Variants in CRB2 observed in about 807,000 individuals in gnomAD.
The protein encoded by CRB2 is crumbs cell polarity complex component 2.
In CRB2, 85 loss-of-function variants were observed where a neutral mutation model predicts 110.9. The ratio of observed to expected loss-of-function variants is 0.77; its 90% CI spans 0.64 to 0.92. CRB2 has a LOEUF of 0.92. CRB2 is among the 40% of genes least tolerant of loss of function. The pLI, the probability that CRB2 is intolerant of heterozygous loss-of-function variation, is 0.00. For missense variants in CRB2, 1,843 were observed against 1,851.3 expected, an observed-to-expected ratio of 1.00 and a Z score of 0.08; for synonymous variants, 907 against 831.0, an observed-to-expected ratio of 1.09 and a Z score of -1.57.
chr9:123,373,016 G>A, intron 9 of CRB2, 118 bp from the exon 10 acceptor site: 1 of 769,256 alleles, frequency 1.3e-6, no homozygotes, highest in Non-Finnish European at 1.9e-6. Flanking sequence ...GATGATAGGT[G>A]GGTGCGTGTG....
Position 123,363,056 on chromosome 9 carries a change from T to A in CRB2, c.286T>A (p.Cys96Ser). 1 of 1,611,926 alleles carries A rather than the reference T, an allele frequency of 6.2e-7. No individual in the cohort carries two copies. Among genetic ancestry groups the A allele is most frequent in the South Asian group, 1.1e-5 (1 of 91,084 alleles). Residue 96 changes from cysteine (C) to serine (S), a missense_variant, in exon 2 of 13, where the codon TGC (cysteine) becomes AGC (serine). Cys to Ser is a moderately radical substitution (Grantham distance 112, BLOSUM62 -1). Transcript: ENST00000373631. Reference sequence around the variant, plus strand: ...AGATCCCACCGGCTTCCGCTGCTACTGCGTGCCGGGTTTCCAGGGCCCACG... The same window carrying A: ...AGATCCCACCGGCTTCCGCTGCTACAGCGTGCCGGGTTTCCAGGGCCCACG... The part of the protein sequence containing the change: ...GPDPTGFRCY[C>S]VPGFQGPRCE...
At chr9:123,373,098 C>T (rs1167864661) in intron 9 of CRB2, 36 bp from the exon 10 acceptor site, 6 of 1,442,884 alleles carry the variant, frequency 4.2e-6, no homozygotes, top group Non-Finnish European at 5.5e-6. Flanking sequence ...GGAGAAGGCT[C>T]CGTGGGCTAT....
chr9:123,361,978 G>A (rs1191373614), intron 1 of CRB2, among the ~76,000 whole-genome samples: 1 of 152,190 alleles, frequency 6.6e-6, no homozygotes, highest in Non-Finnish European at 1.5e-5. Context: ...CCCTCTGTTA[G>A]AGCCCCGGTG....
At chr9:123,375,516 C>T (rs570871124) in intron 12 of CRB2, among the ~76,000 whole-genome samples, 173 bp downstream of exon 12, 1 of 152,268 alleles carries the variant, frequency 6.6e-6, no homozygotes, top group Admixed American at 6.5e-5. Context: ...AGAGGTATTT[C>T]CACTGCAGGG....
At chr9:123,374,106 T>A in intron 10 of CRB2, 186 bp downstream of exon 10, 1 of 883,184 alleles carries the variant, frequency 1.1e-6, no homozygotes, top group Non-Finnish European at 1.8e-6. Context: ...ACACAACCAG[T>A]TAGCCTGGAA....
Position 123,363,243 on chromosome 9 carries a change from C to T in CRB2, c.418+55C>T, listed in dbSNP as rs1476207354. On this transcript the variant is annotated intron_variant, in intron 2 of 12. Transcript: ENST00000373631. Reference sequence around the variant, plus strand: ...TCTGTAATGCAGATCGCATCAGCTGCTCAGAGTGTAAGCATCATGGCTTCA... The same window carrying T: ...TCTGTAATGCAGATCGCATCAGCTGTTCAGAGTGTAAGCATCATGGCTTCA... 1.3e-5 allele frequency: 19 copies of T among 1,514,920 alleles called. No homozygotes were observed. In the Admixed American group the frequency reaches 3.6e-4, roughly 28 times the overall value. 93.8% of individuals were successfully genotyped at this position (1,514,920 alleles called of 1,614,324 possible).
rs373930614 is a variant in CRB2, at chr9:123,367,192, G to A, written c.775G>A (p.Glu259Lys). The A allele has an allele frequency of 1.1e-5, 18 of 1,600,170 alleles. No individual in the cohort carries two copies. Among genetic ancestry groups the A allele is most frequent in the Admixed American group, 1.7e-5 (1 of 58,168 alleles). The change falls in exon 5 of 13, where the codon GAG (glutamate) becomes AAG (lysine). Residue 259 changes from glutamate to lysine, a missense_variant. By Grantham distance (56) the Glu-to-Lys change is moderately conservative. Transcript: ENST00000373631. ...CWPGYSGELC[E>K]VDEDECASSP... The stretch of plus-strand genomic sequence containing the variant: ...CCCAGGCTACAGCGGCGAGCTGTGC[G>A]AGGTGGACGAGGACGAGTGTGCATC...
At chr9:123,359,346 G>C (rs534622758) in intron 1 of CRB2, among the ~76,000 whole-genome samples, 1 of 150,754 alleles carries the variant, frequency 6.6e-6, no homozygotes, top group African/African-American at 2.5e-5. Flanking sequence ...ATCTTAGGTC[G>C]CTTCTTAGAA....
At position 123,370,735 on chromosome 9, in the gene CRB2, CGCT is replaced by C. The variant is rs747444668; in HGVS notation, c.1685_1687del (p.Leu562del). ...CTGGCTTCCACGGCTTCGGCAACTC[CGCT>C]GCCTGCCGGGATCTCCTCTGCCCAG... On this transcript the variant is annotated inframe_deletion, in exon 7 of 13. Transcript: ENST00000373631. 2.1e-5 allele frequency: 34 copies of C among 1,603,064 alleles called. No homozygotes were observed. The highest frequency in any genetic ancestry group is 2.9e-5 in the Non-Finnish European group (34 of 1,179,802).
intron 11 of CRB2, 121 bp from the exon 12 acceptor site, chr9:123,375,096 A>G: frequency 6.9e-7 from 1 of 1,453,714 alleles, no homozygotes; most frequent in Non-Finnish European, 9.4e-7. Flanking sequence ...GGAGCAGCGC[A>G]TGGGGACAGT....
chr9:123,373,102 G>A (rs1358680542), intron 9 of CRB2, 32 bp from the exon 10 acceptor site: 5 of 1,450,024 alleles, frequency 3.4e-6, no homozygotes, highest in Middle Eastern at 1.9e-4. Flanking sequence ...AAGGCTCCGT[G>A]GGCTATTCCC....
At chr9:123,361,669 C>G (rs1048401609) in intron 1 of CRB2, among the ~76,000 whole-genome samples, 1 of 152,094 alleles carries the variant, frequency 6.6e-6, no homozygotes, top group Non-Finnish European at 1.5e-5. Context: ...CATCCCTTAC[C>G]GAGTTGTTAC....
Position 123,374,579 on chromosome 9 carries a change from G to A in CRB2, c.3390G>A (p.Arg1130=). 1 of 1,611,704 alleles carries A rather than the reference G, an allele frequency of 6.2e-7. No homozygotes were observed. Residue 1130 remains arginine (R), a splice_region_variant and synonymous_variant, in exon 11 of 13, where the codon AGG becomes AGA. Coordinates refer to ENST00000373631, the MANE Select transcript of CRB2 (RefSeq NM_173689.7). ...CPPGFGGPRC[R]LPVPSKECSL... ...ACTCCAGCCTCTGCTCTCTCCCCAG[G>A]TTGCCTGTCCCATCCAAGGAGTGCA...
chr9:123,367,884 T>C (rs112922468), intron 6 of CRB2, among the ~76,000 whole-genome samples, 198 bp downstream of exon 6: 7 of 152,112 alleles, frequency 4.6e-5, no homozygotes, highest in African/African-American at 1.4e-4. Flanking sequence ...AGTGTAGTCC[T>C]GGCAGCTGGG....
At chr9:123,379,317 G>GT (rs2042166743), downstream of CRB2, among the ~76,000 whole-genome samples, 1 of 152,232 alleles carries the variant, frequency 6.6e-6, no homozygotes, top group Non-Finnish European at 1.5e-5. Context: ...TTGCTAATGA[G>GT]AGACCTGTGG....
intron 6 of CRB2, 132 bp from the exon 7 acceptor site, chr9:123,369,976 T>C: frequency 9.0e-7 from 1 of 1,109,962 alleles, no homozygotes; most frequent in Admixed American, 2.3e-5. Context: ...GAGGGGACCA[T>C]GAGAAATCCT....
At chr9:123,362,715 C>T in intron 1 of CRB2, 150 bp from the exon 2 acceptor site, 1 of 689,602 alleles carries the variant, frequency 1.5e-6, no homozygotes, top group South Asian at 2.0e-5. Flanking sequence ...CTTACTGGGA[C>T]CTGGCTTGCA....
Position 123,372,346 on chromosome 9 carries a change from A to AGTGT in CRB2, c.2602+9_2602+12dup. ...GAGGTCCCTGATGGCTTTGTGTGTGAGTGTGTGTCCTGGGCAGCTCCCGTG... is the reference window on the plus strand; with the variant it reads ...GAGGTCCCTGATGGCTTTGTGTGTGAGTGTGTGTGTGTCCTGGGCAGCTCCCGTG... On this transcript the variant is annotated splice_donor_region_variant and intron_variant, in intron 9 of 12. Transcript: ENST00000373631. 6.3e-7 allele frequency: 1 copy of AGTGT among 1,588,824 alleles called. No homozygotes were observed. Among genetic ancestry groups the AGTGT allele is most frequent in the Non-Finnish European group, 8.6e-7 (1 of 1,166,926 alleles).
rs1405129189 is a variant in CRB2 at position 123,371,223 on chromosome 9, C to A, written c.2081C>A (p.Ala694Asp). ...LLLQFANDSA[A>D]GLTVFLSEGR... ...CTCCAGTTTGCCAATGACTCCGCAGCTGGCCTAACAGTATTCCTGAGTGAG... is the reference window on the plus strand; with the variant it reads ...CTCCAGTTTGCCAATGACTCCGCAGATGGCCTAACAGTATTCCTGAGTGAG... The change falls in exon 8 of 13, where the codon GCT becomes GAT. Residue 694 changes from alanine (A) to aspartate (D), a missense_variant. Ala to Asp is a moderately radical substitution (Grantham distance 126, BLOSUM62 -2). Coordinates refer to ENST00000373631, the MANE Select transcript of CRB2 (RefSeq NM_173689.7). The A allele has an allele frequency of 6.2e-7, 1 of 1,613,972 alleles. No individual in the cohort carries two copies. Among genetic ancestry groups the A allele is most frequent in the Admixed American group, 1.7e-5 (1 of 60,036 alleles).
Sources: allele counts gnomAD v4.1 joint callset (sites outside exome capture counted in the v4.1 genomes callset), GRCh38; gene constraint gnomAD v4.1.1; transcripts MANE v1.5; gene names NCBI Gene and HGNC (gene_info 2026-07-23, HGNC 2026-07-21).